FIG4: variants seen among roughly 807,000 people sequenced by gnomAD.
FIG4 encodes the protein FIG4 phosphoinositide 5-phosphatase, also known as polyphosphoinositide phosphatase.
FIG4 carries 112 observed loss-of-function variants against 118.6 expected under a neutral mutation model. The observed-to-expected ratio is 0.94, with a 90% CI of 0.81 to 1.11. The LOEUF is 1.11. Among genes scored for constraint, FIG4 ranks in the 50% least tolerant of loss-of-function variants. The pLI, the probability that FIG4 is intolerant of heterozygous loss-of-function variation, is 0.00. For missense variants in FIG4, 969 were observed against 1,111.7 expected (o/e 0.87, Z 1.83); for synonymous variants, 369 against 381.2 (o/e 0.97, Z 0.37).
chr6:109,726,576 G>A (rs534575292), intron 3 of FIG4, among the ~76,000 whole-genome samples: 1 of 151,920 alleles, frequency 6.6e-6, no homozygotes, highest in Non-Finnish European at 1.5e-5. Context: ...TTGTCTTGGT[G>A]TCTTGGCTAT....
chr6:109,716,056 T>C (rs568408157), intron 2 of FIG4, among the ~76,000 whole-genome samples: 1 of 152,300 alleles, frequency 6.6e-6, no homozygotes, highest in South Asian at 2.1e-4. Context: ...ATCGGAGCAA[T>C]TGGTCAGAGA....
chr6:109,811,543 C>A (rs1778720185), intron 22 of FIG4, among the ~76,000 whole-genome samples: 1 of 152,134 alleles, frequency 6.6e-6, no homozygotes, highest in South Asian at 2.1e-4. Flanking sequence ...TCACCAAATA[C>A]CTAAGCACCT....
At chr6:109,773,888 T>A (rs1339620893) in intron 15 of FIG4, among the ~76,000 whole-genome samples, 3 of 152,158 alleles carry the variant, frequency 2.0e-5, no homozygotes, top group African/African-American at 7.2e-5. Context: ...CCCAGGCTGG[T>A]TCCTAACTCC....
chr6:109,795,162 G>C (rs189434136), intron 21 of FIG4, among the ~76,000 whole-genome samples: 1 of 119,564 alleles, frequency 8.4e-6, no homozygotes, highest in African/African-American at 3.1e-5. Context: ...CTGTCGCCCA[G>C]GCGGGACTGT....
At chr6:109,713,182 G>A (rs565032386) in intron 1 of FIG4, among the ~76,000 whole-genome samples, 11 of 152,284 alleles carry the variant, frequency 7.2e-5, no homozygotes, top group South Asian at 2.1e-4. Flanking sequence ...TTCATGGTGC[G>A]GTGGCGGTGG....
chr6:109,751,029 G>C (rs1318679207), intron 10 of FIG4, among the ~76,000 whole-genome samples: 2 of 152,110 alleles, frequency 1.3e-5, no homozygotes, highest in East Asian at 3.9e-4. Context: ...GTATTCAGCT[G>C]TGCTCAATAG....
intron 1 of FIG4, among the ~76,000 whole-genome samples, chr6:109,694,477 A>G (rs1364878153): frequency 6.6e-6 from 1 of 152,236 alleles, no homozygotes; most frequent in Non-Finnish European, 1.5e-5. Flanking sequence ...CCAAAACTGT[A>G]AAACTACCAG....
At chr6:109,704,607 C>G (rs1444713997) in intron 1 of FIG4, among the ~76,000 whole-genome samples, 1 of 143,880 alleles carries the variant, frequency 7.0e-6, no homozygotes, top group East Asian at 2.1e-4. Flanking sequence ...AGCCAGGACG[C>G]AGAGGTTCTG....
rs185993492 is a variant in FIG4 at position 109,791,695 on chromosome 6, G to A, written c.2376+124G>A. On this transcript the variant is annotated intron_variant, in intron 20 of 22. Transcript: ENST00000230124. ...ACATTATCTCACTGTTGTGTTTGAG[G>A]CACTGCATAAGATGAATACATTTAG... is the stretch of plus-strand genomic sequence containing the variant. 1.1e-3 allele frequency: 908 copies of A among 810,856 alleles called. 2 individuals carry two copies. The highest frequency in any genetic ancestry group is 1.0e-3 in the Admixed American group (50 of 50,174). The allele number at this position is 810,856 out of a possible 1,614,324, so 50.2% of individuals were successfully genotyped here.
At chr6:109,695,935 G>C (rs1260261223) in intron 1 of FIG4, among the ~76,000 whole-genome samples, 2 of 152,188 alleles carry the variant, frequency 1.3e-5, no homozygotes, top group Admixed American at 6.5e-5. Flanking sequence ...TGTCTATGGT[G>C]TTGGCTCTTA....
intron 7 of FIG4, among the ~76,000 whole-genome samples, chr6:109,739,840 G>A (rs576760837): frequency 1.2e-4 from 19 of 152,256 alleles, no homozygotes; most frequent in Non-Finnish European, 1.6e-4. Flanking sequence ...CTTGTACCAG[G>A]AGCATTTGAG....
intron 1 of FIG4, among the ~76,000 whole-genome samples, chr6:109,699,426 G>T (rs1562633992): frequency 1.3e-5 from 2 of 150,282 alleles, no homozygotes; most frequent in Admixed American, 1.3e-4. Context: ...TTTCTATATT[G>T]TGTATTTTCT....
chr6:109,816,466 A>T (rs1033382076), intron 22 of FIG4, among the ~76,000 whole-genome samples: 8 of 152,226 alleles, frequency 5.3e-5, no homozygotes, highest in African/African-American at 1.9e-4. Flanking sequence ...CTGGGACAGT[A>T]AAAGGACGTT....
At chr6:109,706,061 A>G (rs112803457) in intron 1 of FIG4, among the ~76,000 whole-genome samples, 1 of 152,230 alleles carries the variant, frequency 6.6e-6, no homozygotes, top group African/African-American at 2.4e-5. Flanking sequence ...CACTTAGCTA[A>G]TGCCTGAGGC....
intron 10 of FIG4, among the ~76,000 whole-genome samples, chr6:109,754,151 C>T (rs531588461): frequency 2.0e-5 from 3 of 152,058 alleles, no homozygotes; most frequent in Admixed American, 6.6e-5. Flanking sequence ...TAGCATGAAG[C>T]GTTGTTGAAT....
intron 22 of FIG4, among the ~76,000 whole-genome samples, chr6:109,819,465 A>ATTTTGT (rs1030349725): frequency 3.9e-5 from 6 of 152,022 alleles, no homozygotes; most frequent in Non-Finnish European, 5.9e-5. Flanking sequence ...TGTATCTGTA[A>ATTTTGT]TTTTGTTTTT....
At chr6:109,695,195 A>G (rs1227460453) in intron 1 of FIG4, among the ~76,000 whole-genome samples, 1 of 152,242 alleles carries the variant, frequency 6.6e-6, no homozygotes, top group East Asian at 1.9e-4. Flanking sequence ...AACTAATGAT[A>G]CCAGCCATTT....
intron 16 of FIG4, among the ~76,000 whole-genome samples, chr6:109,779,060 A>G (rs1268144442): frequency 6.6e-6 from 1 of 152,106 alleles, no homozygotes; most frequent in Non-Finnish European, 1.5e-5. Flanking sequence ...GAGCACTGCT[A>G]ATTTTTACAT....
At chr6:109,740,582 A>G (rs1369640349) in intron 7 of FIG4, among the ~76,000 whole-genome samples, 1 of 152,166 alleles carries the variant, frequency 6.6e-6, no homozygotes, top group Non-Finnish European at 1.5e-5. Flanking sequence ...GCAGTTCACA[A>G]TAAATTATTC....
Sources: allele counts gnomAD v4.1 joint callset (sites outside exome capture counted in the v4.1 genomes callset), GRCh38; gene constraint gnomAD v4.1.1; transcripts MANE v1.5; gene names NCBI Gene and HGNC (gene_info 2026-07-23, HGNC 2026-07-21).